PCMT1: variants seen among roughly 807,000 people sequenced by gnomAD.
The protein encoded by PCMT1 is protein-L-isoaspartate (D-aspartate) O-methyltransferase.
In PCMT1, 9 loss-of-function variants were observed where a neutral mutation model predicts 29.2. That is an observed-to-expected ratio of 0.31 (90% CI 0.19 to 0.54). The LOEUF (loss-of-function observed/expected upper bound fraction) is 0.54. Among genes scored for constraint, PCMT1 ranks in the 20% least tolerant of loss-of-function variants. PCMT1 has a pLI of 0.95. For synonymous variants in PCMT1, 98 were observed against 97.5 expected, an observed-to-expected ratio of 1.00 and a Z score of -0.03; for missense variants, 184 against 282.2, an observed-to-expected ratio of 0.65 and a Z score of 2.49.
In PCMT1 at chr6:149,775,886, G is replaced by A. The variant is rs1160381321; in HGVS notation, c.192+2717G>A. Among the ~76,000 whole-genome samples the A allele has an allele frequency of 1.3e-4, 20 of 152,084 alleles. 1 individual carries two copies. The highest frequency in any genetic ancestry group is 2.0e-4 in the Admixed American group (3 of 15,276). On this transcript the variant is annotated intron_variant, in intron 3 of 7. Coordinates refer to ENST00000464889, the MANE Select transcript of PCMT1 (RefSeq NM_001360452.2). Reference sequence around the variant, plus strand: ...GATTGATAGTTCATCGTGGCCAGGCGTGGTGGCTCACATCTGTAATCCCAG... The same window carrying A: ...GATTGATAGTTCATCGTGGCCAGGCATGGTGGCTCACATCTGTAATCCCAG...
In PCMT1 at chr6:149,762,975, G is replaced by GAT. The variant is rs1247833040; in HGVS notation, c.56-8178_56-8177dup. 3.6e-5 allele frequency among the ~76,000 whole-genome samples: 2 copies of GAT among 55,430 alleles called. 1 individual carries two copies. Among genetic ancestry groups the GAT allele is most frequent in the Non-Finnish European group, 5.0e-5 (2 of 40,100 alleles). The allele number at this position is 55,430 out of a possible 152,430, so 36.4% of individuals were successfully genotyped here. On this transcript the variant is annotated intron_variant, in intron 1 of 7. Coordinates refer to ENST00000464889, the MANE Select transcript of PCMT1 (RefSeq NM_001360452.2). ...TGATATGTATATCTATGATATATATGATATATATATCTATGATATATATGA... is the reference window on the plus strand; with the variant it reads ...TGATATGTATATCTATGATATATATGATATATATATATCTATGATATATATGA...
At chr6:149,752,701 T>C (rs745741482) in intron 1 of PCMT1, among the ~76,000 whole-genome samples, 1 of 152,204 alleles carries the variant, frequency 6.6e-6, no homozygotes, top group Non-Finnish European at 1.5e-5. Flanking sequence ...TATATGTACC[T>C]GAAACATTTT....
At chr6:149,756,343 T>G (rs1378257479) in intron 1 of PCMT1, among the ~76,000 whole-genome samples, 1 of 139,800 alleles carries the variant, frequency 7.2e-6, no homozygotes, top group Non-Finnish European at 1.5e-5. Flanking sequence ...AAAGAGCATT[T>G]ATTCTTTCCC....
intron 3 of PCMT1, among the ~76,000 whole-genome samples, chr6:149,784,107 A>G (rs1462319345): frequency 1.3e-5 from 2 of 152,186 alleles, no homozygotes; most frequent in African/African-American, 4.8e-5. Context: ...CCTTGAATAT[A>G]TTGGGGGAAA....
chr6:149,783,335 GT>G (rs148821605), intron 3 of PCMT1, among the ~76,000 whole-genome samples: 5,060 of 152,140 alleles, frequency 0.033, 298 homozygotes, highest in African/African-American at 0.12. Flanking sequence ...GTTTCACCAT[GT>G]TAGCCAGCCT....
intron 6 of PCMT1, among the ~76,000 whole-genome samples, chr6:149,799,979 A>T (rs1562423859): frequency 6.6e-6 from 1 of 152,348 alleles, no homozygotes; most frequent in East Asian, 1.9e-4. Context: ...GTTTTGAAAT[A>T]TAAAGGTAAA....
At chr6:149,784,885 A>T (rs1440379868) in intron 3 of PCMT1, among the ~76,000 whole-genome samples, 8 of 152,248 alleles carry the variant, frequency 5.3e-5, no homozygotes, top group Non-Finnish European at 1.5e-5. Context: ...TGTCATTATC[A>T]TACCTAACAA....
intron 6 of PCMT1, among the ~76,000 whole-genome samples, chr6:149,798,606 A>G (rs1788706686): frequency 6.6e-6 from 1 of 152,206 alleles, no homozygotes; most frequent in Non-Finnish European, 1.5e-5. Context: ...AACCAGAAAA[A>G]CAGAAGCATA....
intron 2 of PCMT1, chr6:149,772,013 G>A (rs1787347787): frequency 2.2e-6 from 1 of 456,668 alleles, no homozygotes. Flanking sequence ...TTTGTTTTTA[G>A]AAAGTCCTGT....
chr6:149,789,742 C>T (rs985399230), intron 3 of PCMT1, among the ~76,000 whole-genome samples: 3 of 151,994 alleles, frequency 2.0e-5, no homozygotes, highest in Admixed American at 1.3e-4. Flanking sequence ...AATTCACACA[C>T]TGGAGGTCTA....
chr6:149,810,928 T>G lies in PCMT1; in HGVS notation c.*350T>G, dbSNP rs1776142101. ...GGAAAACTTAGTTTGTGAATTGATT[T>G]TGAGGAGTGGTTTTTCTTTTCTTGG... On this transcript the variant is annotated 3_prime_UTR_variant, in exon 8 of 8. Coordinates refer to ENST00000464889, the MANE Select transcript of PCMT1 (RefSeq NM_001360452.2). The G allele has an allele frequency of 3.4e-6, 1 of 293,766 alleles. No homozygotes were observed. The highest frequency in any genetic ancestry group is 6.3e-6 in the Non-Finnish European group (1 of 159,726). 18.2% of individuals were successfully genotyped at this position (293,766 alleles called of 1,614,324 possible). A position where few individuals can be genotyped will look rare whatever the true frequency, so the allele number is the denominator to read the frequency against.
At chr6:149,759,399 TAAG>T (rs1415490208) in intron 1 of PCMT1, among the ~76,000 whole-genome samples, 3 of 152,218 alleles carry the variant, frequency 2.0e-5, no homozygotes, top group Admixed American at 1.3e-4. Flanking sequence ...ACTAATATAA[TAAG>T]GTAATATTTC....
intron 3 of PCMT1, 147 bp from the exon 4 acceptor site, chr6:149,789,807 A>AAGT (rs1376357589): frequency 4.3e-6 from 2 of 461,120 alleles, no homozygotes; most frequent in African/African-American, 4.0e-5. Context: ...CAGTTTACTT[A>AAGT]AGTAATACCT....
intron 3 of PCMT1, among the ~76,000 whole-genome samples, chr6:149,780,029 A>T (rs972178004): frequency 6.6e-6 from 1 of 151,810 alleles, no homozygotes; most frequent in African/African-American, 2.4e-5. Flanking sequence ...ACAACAATAC[A>T]AAACAGCTTT....
intron 7 of PCMT1, among the ~76,000 whole-genome samples, chr6:149,808,098 A>G (rs1184856706): frequency 6.6e-6 from 1 of 152,166 alleles, no homozygotes; most frequent in Non-Finnish European, 1.5e-5. Context: ...TTGTTTCCTT[A>G]TAGTATATCT....
At chr6:149,784,982 CCA>C (rs1787962127) in intron 3 of PCMT1, among the ~76,000 whole-genome samples, 1 of 151,962 alleles carries the variant, frequency 6.6e-6, no homozygotes, top group Non-Finnish European at 1.5e-5. Flanking sequence ...AAATCAGTAT[CCA>C]CACAGAGTCT....
chr6:149,751,114 C>A (rs1185836039), intron 1 of PCMT1, among the ~76,000 whole-genome samples: 1 of 152,040 alleles, frequency 6.6e-6, no homozygotes, highest in Non-Finnish European at 1.5e-5. Flanking sequence ...TTCAGGAGTT[C>A]GAGACCAGCC....
At chr6:149,773,929 GACTT>G (rs1787442985) in intron 3 of PCMT1, among the ~76,000 whole-genome samples, 1 of 152,180 alleles carries the variant, frequency 6.6e-6, no homozygotes, top group South Asian at 2.1e-4. Flanking sequence ...CCTTGAGAAA[GACTT>G]ACTTTGAGTG....
chr6:149,793,423 T>C, intron 4 of PCMT1, 126 bp from the exon 5 acceptor site: 1 of 677,424 alleles, frequency 1.5e-6, no homozygotes, highest in Non-Finnish European at 2.1e-6. Flanking sequence ...TAGCAATCTA[T>C]AGAAGCCTTA....
Sources: gnomAD v4.1 joint callset for allele counts (sites outside exome capture counted in the v4.1 genomes callset) on GRCh38, gnomAD v4.1.1 for gene constraint, MANE v1.5 for transcripts, NCBI Gene and HGNC (gene_info 2026-07-23, HGNC 2026-07-21) for gene names.